Variants in ZNF487 observed in about 807,000 individuals in gnomAD.
The protein encoded by ZNF487 is zinc finger protein 487.
Under a neutral mutation model 3.0 loss-of-function variants are expected in ZNF487, and 4 were observed. The observed-to-expected ratio is 1.35, with a 90% confidence interval of 0.66 to 3.08. The LOEUF is 3.08. ZNF487 is among the 30% of genes most tolerant of loss of function. ZNF487 has a pLI of 0.01. For synonymous variants in ZNF487, 55 were observed against 34.6 expected (o/e 1.59, Z -2.06); for missense variants, 146 against 98.7 (o/e 1.48, Z -2.03).
intron 3 of ZNF487, 70 bp downstream of exon 3, chr10:43,476,272 A>G: frequency 1.5e-6 from 1 of 663,582 alleles, no homozygotes. Flanking sequence ...TACTTCACAT[A>G]TTGACATCTT....
At chr10:43,461,888 A>C (rs1840443909) in intron 1 of ZNF487, among the ~76,000 whole-genome samples, 2 of 152,168 alleles carry the variant, frequency 1.3e-5, no homozygotes, top group African/African-American at 4.8e-5. Flanking sequence ...TGTCATCCCC[A>C]GGTGGGTGGC....
At chr10:43,484,454 A>G (rs1025907478), downstream of ZNF487, among the ~76,000 whole-genome samples, 15 of 151,868 alleles carry the variant, frequency 9.9e-5, no homozygotes, top group African/African-American at 3.6e-4. Flanking sequence ...TAAAATACAA[A>G]AAATTAGCTG....
chr10:43,451,369 C>T (rs1475464969), intron 1 of ZNF487, among the ~76,000 whole-genome samples: 1 of 151,642 alleles, frequency 6.6e-6, no homozygotes, highest in African/African-American at 2.4e-5. Flanking sequence ...CCTCAGCCTC[C>T]TGAGTAGCTG....
At chr10:43,446,788 G>A (rs1330083459) in intron 1 of ZNF487, among the ~76,000 whole-genome samples, 4 of 152,174 alleles carry the variant, frequency 2.6e-5, no homozygotes, top group South Asian at 2.1e-4. Context: ...TTCCTAGACC[G>A]GGTGGCGGCT....
At chr10:43,455,011 CT>C (rs754096470) in intron 1 of ZNF487, among the ~76,000 whole-genome samples, 310 of 128,484 alleles carry the variant, frequency 2.4e-3, no homozygotes, top group African/African-American at 6.2e-3. Context: ...TTAGTTTGCA[CT>C]TTTTTTTTTT....
chr10:43,492,581 A>G, the ZNF487 span, among the ~76,000 whole-genome samples: 1 of 151,896 alleles, frequency 6.6e-6, no homozygotes, highest in Non-Finnish European at 1.5e-5. Flanking sequence ...CCTCCCAAGT[A>G]GCTGGGACTA....
downstream of ZNF487, among the ~76,000 whole-genome samples, chr10:43,487,490 C>T (rs1459556855): frequency 6.9e-6 from 1 of 145,364 alleles, no homozygotes; most frequent in Non-Finnish European, 1.5e-5. Context: ...GCTCTTGTTG[C>T]CCAGGCTGGA....
chr10:43,513,400 C>A, the ZNF487 span, among the ~76,000 whole-genome samples: 78 of 152,182 alleles, frequency 5.1e-4, no homozygotes, highest in Non-Finnish European at 2.2e-4. Context: ...ACAGCAGCTG[C>A]AATTGGAGTC....
intron 1 of ZNF487, among the ~76,000 whole-genome samples, chr10:43,442,198 T>C (rs1363877823): frequency 6.6e-6 from 1 of 151,802 alleles, no homozygotes; most frequent in Non-Finnish European, 1.5e-5. Flanking sequence ...CCACTAACAC[T>C]GTACCCTAGC....
chr10:43,455,787 C>T (rs1589030880), intron 1 of ZNF487, among the ~76,000 whole-genome samples: 1 of 152,242 alleles, frequency 6.6e-6, no homozygotes, highest in Non-Finnish European at 1.5e-5. Flanking sequence ...GCGTAGGAGA[C>T]AGCGCGCCAG....
chr10:43,512,708 A>G, the ZNF487 span, among the ~76,000 whole-genome samples: 1 of 152,218 alleles, frequency 6.6e-6, no homozygotes, highest in Non-Finnish European at 1.5e-5. Context: ...GTGGCAGAGC[A>G]GCTTGCACAG....
At chr10:43,509,245 A>G in the ZNF487 span, among the ~76,000 whole-genome samples, 1 of 151,664 alleles carries the variant, frequency 6.6e-6, no homozygotes, top group East Asian at 1.9e-4. Context: ...ATCCCACTGC[A>G]CCTGCATCTA....
At chr10:43,445,768 T>G (rs2265953) in intron 1 of ZNF487, among the ~76,000 whole-genome samples, 105,072 of 151,842 alleles carry the variant, frequency 0.69, 38,027 homozygotes, top group Non-Finnish European at 0.8. Context: ...AGGAGAGAAG[T>G]TCAGCAGATA....
chr10:43,507,742 C>T, the ZNF487 span, among the ~76,000 whole-genome samples: 1 of 152,170 alleles, frequency 6.6e-6, no homozygotes. Context: ...GGATGTGGAT[C>T]CTAACCCTGG....
chr10:43,486,675 C>G (rs1345543677), downstream of ZNF487, among the ~76,000 whole-genome samples: 1 of 152,136 alleles, frequency 6.6e-6, no homozygotes, highest in Non-Finnish European at 1.5e-5. Context: ...AAATAGATAT[C>G]ACACAATGGT....
chr10:43,481,310 G>A, intron 3 of ZNF487, 119 bp from the exon 4 acceptor site: 3 of 605,922 alleles, frequency 5.0e-6, no homozygotes, highest in East Asian at 2.8e-5. Context: ...TCCAGCCTGG[G>A]TGACAGAGCC....
chr10:43,505,262 C>A, the ZNF487 span, among the ~76,000 whole-genome samples: 5 of 145,696 alleles, frequency 3.4e-5, no homozygotes, highest in African/African-American at 1.3e-4. Flanking sequence ...GCTCTGTCCC[C>A]CTTAAGTTAT....
chr10:43,466,286 T>C (rs1462302242), intron 1 of ZNF487, among the ~76,000 whole-genome samples: 1 of 151,840 alleles, frequency 6.6e-6, no homozygotes, highest in Non-Finnish European at 1.5e-5. Flanking sequence ...TCAGGTGATC[T>C]ACCCGTCTCA....
the ZNF487 span, among the ~76,000 whole-genome samples, chr10:43,513,226 G>A: frequency 2.6e-5 from 4 of 152,272 alleles, no homozygotes; most frequent in Admixed American, 6.5e-5. Flanking sequence ...TACCCTGGAG[G>A]TAGGACAGTA....
Sources: allele counts gnomAD v4.1 joint callset (sites outside exome capture counted in the v4.1 genomes callset), GRCh38; gene constraint gnomAD v4.1.1; transcripts MANE v1.5; gene names NCBI Gene and HGNC (gene_info 2026-07-23, HGNC 2026-07-21).